The following NUDCD3 variants were observed in gnomAD, a reference collection of about 807,000 sequenced individuals.
NUDCD3 encodes NudC domain containing 3, also known as nudC domain-containing protein 3.
A neutral mutation model predicts 39.7 loss-of-function variants in NUDCD3; 13 were observed. That is an observed-to-expected ratio of 0.33 (90% CI 0.21 to 0.52). NUDCD3 has a LOEUF of 0.52. Among genes scored for constraint, NUDCD3 ranks in the 20% least tolerant of loss-of-function variants. The pLI is 0.96. For missense variants in NUDCD3, 453 were observed against 458.1 expected (o/e 0.99, Z 0.10); for synonymous variants, 175 against 172.4 (o/e 1.02, Z -0.12).
At chr7:44,390,295 C>T (rs976898661) in intron 5 of NUDCD3, among the ~76,000 whole-genome samples, 1 of 152,146 alleles carries the variant, frequency 6.6e-6, no homozygotes, top group African/African-American at 2.4e-5. Context: ...ACCTGGGAGG[C>T]GGAGGTATCA....
Position 44,392,349 on chromosome 7 carries a change from A to G in NUDCD3, c.923T>C (p.Leu308Pro). 2 of 1,614,184 alleles carry G rather than the reference A, an allele frequency of 1.2e-6. No homozygotes were observed. The highest frequency in any genetic ancestry group is 1.7e-6 in the Non-Finnish European group (2 of 1,180,020). Residue 308 changes from leucine to proline, a missense_variant, in exon 5 of 6, where the codon CTT becomes CCT. By Grantham distance (98) the Leu-to-Pro change is moderately conservative. Transcript: ENST00000355451. ...CAGCTTCTGGTGGTAGTCAAAGGTA[A>G]GCCTGTCCAACACCGCCTGTTCCTC... ...DEEEQAVLDRLTFDYHQKLQG... is the reference protein window; with the variant it reads ...DEEEQAVLDRPTFDYHQKLQG...
intron 2 of NUDCD3, among the ~76,000 whole-genome samples, chr7:44,455,216 T>G (rs186718686): frequency 6.6e-6 from 1 of 151,990 alleles, no homozygotes; most frequent in South Asian, 2.1e-4. Context: ...TGCTGGTCAC[T>G]TGCACTTACA....
intron 2 of NUDCD3, among the ~76,000 whole-genome samples, chr7:44,447,161 C>G (rs192003676): frequency 6.6e-6 from 1 of 152,210 alleles, no homozygotes; most frequent in Admixed American, 6.5e-5. Context: ...TATCTGTTAA[C>G]GCACTTATTG....
intron 3 of NUDCD3, among the ~76,000 whole-genome samples, chr7:44,406,184 AGCGAAGATATTC>A (rs1798816446): frequency 6.6e-6 from 1 of 152,240 alleles, no homozygotes; most frequent in South Asian, 2.1e-4. Context: ...TGGGGGACAC[AGCGAAGATATTC>A]TGCTAACCAC....
rs1424468996 is a variant in NUDCD3, at chr7:44,385,803, C to A, written c.*208G>T. On this transcript the variant is annotated 3_prime_UTR_variant, in exon 6 of 6. Transcript: ENST00000355451. ...CACCTTCACTCAGTGTCAGCCACAGCGGCCACCACATAGCAGCTGGCCCCG... is the reference window on the plus strand; with the variant it reads ...CACCTTCACTCAGTGTCAGCCACAGAGGCCACCACATAGCAGCTGGCCCCG... 4 of 557,506 alleles carry A rather than the reference C, an allele frequency of 7.2e-6. No individual in the cohort carries two copies. Among genetic ancestry groups the A allele is most frequent in the Non-Finnish European group, 1.3e-5 (4 of 313,446 alleles). 34.5% of individuals were successfully genotyped at this position (557,506 alleles called of 1,614,324 possible).
At chr7:44,409,718 A>G (rs1018810317) in intron 3 of NUDCD3, among the ~76,000 whole-genome samples, 6 of 152,214 alleles carry the variant, frequency 3.9e-5, no homozygotes, top group Non-Finnish European at 8.8e-5. Flanking sequence ...ATGCTCAAAG[A>G]GCTAAGAAAA....
chr7:44,385,903 TA>T lies in NUDCD3; in HGVS notation c.*107del, dbSNP rs1798392386. Reference sequence around the variant, plus strand: ...GTTCACCCTTGAAAGAAAGGATGGCTAGGGGTAAACAAGACGAGCAAGTCCC... The same window carrying T: ...GTTCACCCTTGAAAGAAAGGATGGCTGGGGTAAACAAGACGAGCAAGTCCC... On this transcript the variant is annotated 3_prime_UTR_variant, in exon 6 of 6. Transcript: ENST00000355451. 3 of 677,598 alleles carry T rather than the reference TA, an allele frequency of 4.4e-6. No homozygotes were observed. The highest frequency in any genetic ancestry group is 4.5e-5 in the Admixed American group (2 of 44,926). The allele number at this position is 677,598 out of a possible 1,614,324, so 42.0% of individuals were successfully genotyped here. A position where few individuals can be genotyped will look rare whatever the true frequency, so the allele number is the denominator to read the frequency against.
chr7:44,444,421 G>A (rs1048970394), intron 2 of NUDCD3, among the ~76,000 whole-genome samples: 1 of 152,172 alleles, frequency 6.6e-6, no homozygotes. Context: ...AGAACAGAAA[G>A]CTTTTCTGGC....
intron 2 of NUDCD3, among the ~76,000 whole-genome samples, chr7:44,462,711 T>C (rs773735601): frequency 9.9e-5 from 15 of 152,216 alleles, no homozygotes; most frequent in Non-Finnish European, 1.9e-4. Context: ...CACATCCCAT[T>C]AGACATGCAG....
intron 2 of NUDCD3, among the ~76,000 whole-genome samples, chr7:44,459,971 G>T (rs186253394): frequency 1.3e-5 from 2 of 152,124 alleles, no homozygotes. Context: ...AAGTCACAGT[G>T]GAATTCATTT....
At chr7:44,488,914 G>T (rs573180205) in intron 1 of NUDCD3, among the ~76,000 whole-genome samples, 1 of 152,088 alleles carries the variant, frequency 6.6e-6, no homozygotes, top group Non-Finnish European at 1.5e-5. Context: ...TATATTAAGG[G>T]TTAAATAAGA....
chr7:44,418,145 G>C (rs77670923), intron 3 of NUDCD3, among the ~76,000 whole-genome samples: 39 of 152,288 alleles, frequency 2.6e-4, no homozygotes, highest in African/African-American at 8.2e-4. Context: ...GGAGTCGGAA[G>C]GCACAGGACA....
Position 44,397,935 on chromosome 7 carries a change from C to T in NUDCD3, c.787-5450G>A, listed in dbSNP as rs908326827. Among the ~76,000 whole-genome samples, 4 of 152,060 alleles carry T rather than the reference C, an allele frequency of 2.6e-5. No individual in the cohort carries two copies. In the South Asian group the frequency reaches 8.3e-4, roughly 32 times the overall value. On this transcript the variant is annotated intron_variant, in intron 4 of 5. Coordinates refer to ENST00000355451, the MANE Select transcript of NUDCD3 (RefSeq NM_015332.4). ...GACATTTCCACAGCCTTTTTCCTCC[C>T]CTGACATCTCCTGATTAACTCATGT...
intron 4 of NUDCD3, among the ~76,000 whole-genome samples, chr7:44,396,475 T>G (rs1798626460): frequency 6.6e-6 from 1 of 152,238 alleles, no homozygotes; most frequent in South Asian, 2.1e-4. Flanking sequence ...ACAAGGGCAT[T>G]CTAACATCGT....
intron 1 of NUDCD3, among the ~76,000 whole-genome samples, chr7:44,488,914 G>A (rs573180205): frequency 6.6e-6 from 1 of 152,210 alleles, no homozygotes; most frequent in Non-Finnish European, 1.5e-5. Context: ...TATATTAAGG[G>A]TTAAATAAGA....
At chr7:44,399,339 T>C (rs1435846979) in intron 4 of NUDCD3, among the ~76,000 whole-genome samples, 2 of 152,272 alleles carry the variant, frequency 1.3e-5, no homozygotes, top group Non-Finnish European at 2.9e-5. Flanking sequence ...CCTAGAGACA[T>C]CACTTGCACT....
intron 3 of NUDCD3, among the ~76,000 whole-genome samples, chr7:44,421,491 A>AG: frequency 6.7e-6 from 1 of 150,004 alleles, no homozygotes; most frequent in South Asian, 2.1e-4. Context: ...GGAAAGCAAA[A>AG]AAAAAAAAAA....
At chr7:44,440,496 G>GAAAAAAAAAAAAAAAAAAA (rs72065068) in intron 2 of NUDCD3, among the ~76,000 whole-genome samples, 6 of 48,386 alleles carry the variant, frequency 1.2e-4, no homozygotes, top group Admixed American at 2.5e-4. Flanking sequence ...CAGAAAAATT[G>GAAAAAAAAAAAAAAAAAAA]AAAAAAAAAA....
In NUDCD3 at chr7:44,421,759, G is replaced by A. The variant is rs528699605; in HGVS notation, c.642+5812C>T. ...ACCCCACTGTCAATATTAGATCAAC[G>A]AGACAGAAAATTAACAAGGATATTC... On this transcript the variant is annotated intron_variant, in intron 3 of 5. Transcript: ENST00000355451. Among the ~76,000 whole-genome samples, 30 of 152,206 alleles carry A rather than the reference G, an allele frequency of 2.0e-4. 1 individual carries two copies. The South Asian group carries it at 2.3e-3, about 12-fold the overall frequency.
Sources: allele counts gnomAD v4.1 joint callset (sites outside exome capture counted in the v4.1 genomes callset), GRCh38; gene constraint gnomAD v4.1.1; transcripts MANE v1.5; gene names NCBI Gene and HGNC (gene_info 2026-07-23, HGNC 2026-07-21).